The following GPR132 variants were observed in gnomAD, a reference collection of about 807,000 sequenced individuals.
The protein encoded by GPR132 is probable G protein-coupled receptor 132.
In GPR132, 4 loss-of-function variants were observed where a neutral mutation model predicts 1.9. That is an observed-to-expected ratio of 2.13 (90% CI 1.05 to 4.87). GPR132 has a LOEUF of 4.87. Among genes scored for constraint, GPR132 ranks in the 30% most tolerant of loss-of-function variants. The pLI is 0.01. For synonymous variants in GPR132, 233 were observed against 234.2 expected (o/e 0.99, Z 0.05); for missense variants, 404 against 512.5 (o/e 0.79, Z 2.04).
Position 105,049,604 on chromosome 14 carries a change from A to C in GPR132, c.*1390T>G, listed in dbSNP as rs1886576931. On this transcript the variant is annotated 3_prime_UTR_variant, in exon 4 of 4. Transcript: ENST00000329797. ...CACATTTTCCTAATGTATTTTTCTG[A>C]TGACTCTCAAGGGGAGGATGGCTGT... 3.9e-5 allele frequency: 6 copies of C among 151,904 alleles called. No homozygotes were observed. The highest frequency in any genetic ancestry group is 3.3e-4 in the Admixed American group (5 of 15,218). 9.4% of individuals were successfully genotyped at this position (151,904 alleles called of 1,614,324 possible).
In GPR132 at chr14:105,051,883, G is replaced by A; in HGVS notation, c.254C>T (p.Ala85Val). 6.2e-7 allele frequency: 1 copy of A among 1,613,664 alleles called. No homozygotes were observed. Residue 85 changes from alanine to valine, a missense_variant, in exon 4 of 4, where the codon GCA becomes GTA. Transcript: ENST00000329797. The surrounding 1 kb of genome is among the most constrained non-coding windows in gnomAD (Gnocchi z 8.0). ...NVLAVYLLCL[A>V]LCELLYTGTL... ...GCCTGTGTACAGCAGCTCGCAGAGT[G>A]CCAGGCAGAGCAGGTAGACGGCCAG...
Position 105,060,440 on chromosome 14 carries a change from C to T in GPR132, c.-860-3160G>A, listed in dbSNP as rs1382131100. Among the ~76,000 whole-genome samples, 3 of 152,200 alleles carry T rather than the reference C, an allele frequency of 2.0e-5. No individual in the cohort carries two copies. The highest frequency in any genetic ancestry group is 2.9e-5 in the Non-Finnish European group (2 of 68,026). ...CGGGGGTGTGGGGGGCCCGACCAGCCTCACACTGGGCCTGGCTTCCCTCCT... is the reference window on the plus strand; with the variant it reads ...CGGGGGTGTGGGGGGCCCGACCAGCTTCACACTGGGCCTGGCTTCCCTCCT... On this transcript the variant is annotated intron_variant, in intron 1 of 3. Transcript: ENST00000329797. This position sits in a 1 kb window ranked among gnomAD's most constrained non-coding sequence, Gnocchi z 6.3.
In GPR132 at chr14:105,059,681, CTT is replaced by C. The variant is rs757387379; in HGVS notation, c.-860-2403_-860-2402del. Among the ~76,000 whole-genome samples, 44 of 152,090 alleles carry C rather than the reference CTT, an allele frequency of 2.9e-4. No homozygotes were observed. The highest frequency in any genetic ancestry group is 8.5e-4 in the African/African-American group (35 of 41,416). ...GTCTCACATATATTGATTGATGTCT[CTT>C]GTCTCCCTAAAATGCATGAAACCAG... On this transcript the variant is annotated intron_variant, in intron 1 of 3. Transcript: ENST00000329797. The surrounding 1 kb of genome is among the most constrained non-coding windows in gnomAD (Gnocchi z 4.2).
At chr14:105,064,901 G>A (rs929964086) in intron 1 of GPR132, among the ~76,000 whole-genome samples, 23 of 152,124 alleles carry the variant, frequency 1.5e-4, no homozygotes, top group African/African-American at 4.8e-4. Flanking sequence ...GCCACTCACC[G>A]CAGCACAGCC....
In GPR132 at chr14:105,060,797, A is replaced by C. The variant is rs1204521110; in HGVS notation, c.-860-3517T>G. 6.6e-6 allele frequency among the ~76,000 whole-genome samples: 1 copy of C among 152,244 alleles called. No individual in the cohort carries two copies. The highest frequency in any genetic ancestry group is 1.5e-5 in the Non-Finnish European group (1 of 68,038). ...TGTGCCGCCCAGTCACGCCAATGCC[A>C]GCCGGCAACCCTGGGTCAGAGGGCT... On this transcript the variant is annotated intron_variant, in intron 1 of 3. Coordinates refer to ENST00000329797, the MANE Select transcript of GPR132 (RefSeq NM_013345.4). The surrounding 1 kb of genome is among the most constrained non-coding windows in gnomAD (Gnocchi z 6.3).
In GPR132 at chr14:105,051,072, G is replaced by A. The variant is rs761849316; in HGVS notation, c.1065C>T (p.Asp355=). Residue 355 remains aspartate, a synonymous_variant, in exon 4 of 4, where the codon GAC becomes GAT. Transcript: ENST00000329797. The surrounding 1 kb of genome is among the most constrained non-coding windows in gnomAD (Gnocchi z 8.0). ...EELQSPVALA[D]HYTFSRPVHP... is the part of the protein sequence containing the mutation. ...GCACGGGCCTGGAGAAGGTGTAGTGGTCTGCAAGGGCCACGGGCGACTGCA... is the reference window on the plus strand; with the variant it reads ...GCACGGGCCTGGAGAAGGTGTAGTGATCTGCAAGGGCCACGGGCGACTGCA... The A allele has an allele frequency of 1.1e-5, 18 of 1,614,038 alleles. No homozygotes were observed. The highest frequency in any genetic ancestry group is 1.5e-5 in the Non-Finnish European group (18 of 1,179,996).
chr14:105,050,661 G>A lies in GPR132; in HGVS notation c.*333C>T. On this transcript the variant is annotated 3_prime_UTR_variant, in exon 4 of 4. Coordinates refer to ENST00000329797, the MANE Select transcript of GPR132 (RefSeq NM_013345.4). The surrounding 1 kb of genome is among the most constrained non-coding windows in gnomAD (Gnocchi z 4.0). ...CATCGCCACTGATGCGAACAGGGCA[G>A]CCACCAGGTACCTCTGCCAGCAGGC... is the stretch of plus-strand genomic sequence containing the variant. The A allele has an allele frequency of 2.4e-6, 1 of 415,846 alleles. No individual in the cohort carries two copies. Among genetic ancestry groups the A allele is most frequent in the Non-Finnish European group, 4.4e-6 (1 of 226,872 alleles). The allele number at this position is 415,846 out of a possible 1,614,324, so 25.8% of individuals were successfully genotyped here. A position where few individuals can be genotyped will look rare whatever the true frequency, so the allele number is the denominator to read the frequency against.
Position 105,050,883 on chromosome 14 carries a change from G to C in GPR132, c.*111C>G. The C allele has an allele frequency of 1.0e-6, 1 of 998,632 alleles. No individual in the cohort carries two copies. The highest frequency in any genetic ancestry group is 2.6e-5 in the East Asian group (1 of 39,020). The allele number at this position is 998,632 out of a possible 1,614,324, so 61.9% of individuals were successfully genotyped here. A position where few individuals can be genotyped will look rare whatever the true frequency, so the allele number is the denominator to read the frequency against. ...TGGCTTCAGGAACGAGAAATTGGTA[G>C]TTTGTCTTCCAGAGGGGACATGGGC... On this transcript the variant is annotated 3_prime_UTR_variant, in exon 4 of 4. Coordinates refer to ENST00000329797, the MANE Select transcript of GPR132 (RefSeq NM_013345.4). The surrounding 1 kb of genome is among the most constrained non-coding windows in gnomAD (Gnocchi z 4.0).
intron 1 of GPR132, among the ~76,000 whole-genome samples, chr14:105,061,656 C>T (rs138461708): frequency 2.0e-5 from 3 of 152,300 alleles, no homozygotes; most frequent in African/African-American, 7.2e-5. Context: ...TCTCAGCTTC[C>T]CCTGGGGCTG....
Position 105,051,534 on chromosome 14 carries a change from G to A in GPR132, c.603C>T (p.Tyr201=), listed in dbSNP as rs201723984. Residue 201 remains tyrosine (Y), a synonymous_variant, in exon 4 of 4, where the codon TAC becomes TAT. Transcript: ENST00000329797. This position sits in a 1 kb window ranked among gnomAD's most constrained non-coding sequence, Gnocchi z 8.0. ...TGGCAAAGCCAACGGTGAACCTGGC[G>A]TAGTAGTACCCGGCAATCCTGCTGT... ...QMDSRIAGYY[Y]ARFTVGFAIP... is the part of the protein sequence containing the mutation. 498 of 1,614,006 alleles carry A rather than the reference G, an allele frequency of 3.1e-4. No homozygotes were observed. Among genetic ancestry groups the A allele is most frequent in the Non-Finnish European group, 4.0e-4 (467 of 1,180,024 alleles).
chr14:105,062,434 T>C (rs1453793772), intron 1 of GPR132, among the ~76,000 whole-genome samples: 1 of 152,230 alleles, frequency 6.6e-6, no homozygotes, highest in African/African-American at 2.4e-5. Context: ...CCGAGGCTGC[T>C]CTGCCTCACA....
intron 1 of GPR132, among the ~76,000 whole-genome samples, chr14:105,063,568 G>T (rs1236737050): frequency 6.6e-6 from 1 of 151,730 alleles, no homozygotes; most frequent in Non-Finnish European, 1.5e-5. Context: ...GTAGAGAAGG[G>T]GTTTCGCCAT....
At chr14:105,052,197 CTCA>C in intron 3 of GPR132, 95 bp from the exon 4 acceptor site, 5 of 1,036,236 alleles carry the variant, frequency 4.8e-6, no homozygotes, top group South Asian at 3.4e-5. Context: ...TTTGTGGTAG[CTCA>C]GACTAGACAC....
intron 1 of GPR132, among the ~76,000 whole-genome samples, chr14:105,058,692 T>G (rs933622905): frequency 6.6e-6 from 1 of 152,336 alleles, no homozygotes; most frequent in African/African-American, 2.4e-5. Flanking sequence ...CTGGAAGCTG[T>G]GTCACCCACA....
At position 105,059,732 on chromosome 14, in the gene GPR132, C is replaced by G. The variant is rs757887147; in HGVS notation, c.-860-2452G>C. On this transcript the variant is annotated intron_variant, in intron 1 of 3. Transcript: ENST00000329797. This position sits in a 1 kb window ranked among gnomAD's most constrained non-coding sequence, Gnocchi z 4.2. Reference sequence around the variant, plus strand: ...AGGCTGCGCCCGACCACCCTGGGCACGTCATCAGGACTTCCTGAGGCTGTG... The same window carrying G: ...AGGCTGCGCCCGACCACCCTGGGCAGGTCATCAGGACTTCCTGAGGCTGTG... 6.6e-6 allele frequency among the ~76,000 whole-genome samples: 1 copy of G among 152,124 alleles called. No individual in the cohort carries two copies. Among genetic ancestry groups the G allele is most frequent in the Non-Finnish European group, 1.5e-5 (1 of 68,022 alleles).
At position 105,051,245 on chromosome 14, in the gene GPR132, T is replaced by TG; in HGVS notation, c.891dup (p.Thr298HisfsTer7). ...ATGGGGTCAGCCACGCCGTTCACCGTGGACAGGCACAGAAACACCACAGAG... is the reference window on the plus strand; with the variant it reads ...ATGGGGTCAGCCACGCCGTTCACCGTGGGACAGGCACAGAAACACCACAGAG... On this transcript the variant is annotated frameshift_variant, in exon 4 of 4. Coordinates refer to ENST00000329797, the MANE Select transcript of GPR132 (RefSeq NM_013345.4). LOFTEE classifies it low-confidence loss of function (END_TRUNC). The surrounding 1 kb of genome is among the most constrained non-coding windows in gnomAD (Gnocchi z 8.0). 6.2e-7 allele frequency: 1 copy of TG among 1,613,536 alleles called. No homozygotes were observed. Among genetic ancestry groups the TG allele is most frequent in the Non-Finnish European group, 8.5e-7 (1 of 1,179,480 alleles).
rs751474853 is a variant in GPR132 at position 105,051,221 on chromosome 14, T to C, written c.916A>G (p.Ile306Val). 22 of 1,613,516 alleles carry C rather than the reference T, an allele frequency of 1.4e-5. No homozygotes were observed. Among genetic ancestry groups the C allele is most frequent in the East Asian group, 2.2e-5 (1 of 44,868 alleles). Residue 306 changes from isoleucine to valine, a missense_variant, in exon 4 of 4, where the codon ATT becomes GTT. By Grantham distance (29) the Ile-to-Val change is conservative. Coordinates refer to ENST00000329797, the MANE Select transcript of GPR132 (RefSeq NM_013345.4). The surrounding 1 kb of genome is among the most constrained non-coding windows in gnomAD (Gnocchi z 8.0). ...TGGTCCGTGGCCAGCACGTAGATAATGGGGTCAGCCACGCCGTTCACCGTG... is the reference window on the plus strand; with the variant it reads ...TGGTCCGTGGCCAGCACGTAGATAACGGGGTCAGCCACGCCGTTCACCGTG... ...LSTVNGVADP[I>V]IYVLATDHSR...
chr14:105,053,147 C>CTTT (rs1162515395), intron 3 of GPR132, among the ~76,000 whole-genome samples: 65 of 98,984 alleles, frequency 6.6e-4, no homozygotes, highest in East Asian at 2.6e-3. Flanking sequence ...AACCTGTAGT[C>CTTT]TTTTTTTTTT....
In GPR132 at chr14:105,055,752, G is replaced by A. The variant is rs1047905848; in HGVS notation, c.-332C>T. The A allele has an allele frequency of 1.4e-5, 5 of 360,244 alleles. No homozygotes were observed. Among genetic ancestry groups the A allele is most frequent in the Admixed American group, 4.1e-5 (1 of 24,182 alleles). The allele number at this position is 360,244 out of a possible 1,614,324, so 22.3% of individuals were successfully genotyped here. ...TATTCAGTGTGTCCTCCAGGGTCTC[G>A]CCAAAAATATAAATATATATATATA... On this transcript the variant is annotated 5_prime_UTR_variant, in exon 3 of 4. Coordinates refer to ENST00000329797, the MANE Select transcript of GPR132 (RefSeq NM_013345.4). The surrounding 1 kb of genome is among the most constrained non-coding windows in gnomAD (Gnocchi z 4.7).
Sources: allele counts gnomAD v4.1 joint callset (sites outside exome capture counted in the v4.1 genomes callset), GRCh38; gene constraint gnomAD v4.1.1; non-coding constraint Gnocchi (gnomAD v3.1); transcripts MANE v1.5; gene names NCBI Gene and HGNC (gene_info 2026-07-23, HGNC 2026-07-21).